Variants in C19orf47 observed in about 807,000 individuals in gnomAD.
C19orf47 encodes the protein chromosome 19 open reading frame 47, also known as uncharacterized protein C19orf47.
In C19orf47, 18 loss-of-function variants were observed where a neutral mutation model predicts 32.3. The ratio of observed to expected loss-of-function variants is 0.56; its 90% CI spans 0.39 to 0.83. The LOEUF (loss-of-function observed/expected upper bound fraction) is 0.83, where lower values mean the gene tolerates loss of function less well. Among genes scored for constraint, C19orf47 ranks in the 40% least tolerant of loss-of-function variants. C19orf47 has a pLI of 0.00. For missense variants in C19orf47, 484 were observed against 531.6 expected (o/e 0.91, Z 0.88); for synonymous variants, 202 against 211.1 (o/e 0.96, Z 0.37).
chr19:40,344,972 G>C (rs922854848), intron 1 of C19orf47, among the ~76,000 whole-genome samples: 3 of 152,150 alleles, frequency 2.0e-5, no homozygotes, highest in Non-Finnish European at 4.4e-5. Context: ...GAGCCTAGGA[G>C]TTCAAGATCA....
chr19:40,306,503 G>A, the C19orf47 span, among the ~76,000 whole-genome samples: 33 of 151,034 alleles, frequency 2.2e-4, no homozygotes, highest in Non-Finnish European at 1.5e-5. Context: ...CCCGGGTTCA[G>A]GCGATTCTCC....
downstream of C19orf47, among the ~76,000 whole-genome samples, chr19:40,315,316 C>A (rs1426725858): frequency 1.3e-5 from 2 of 152,176 alleles, no homozygotes; most frequent in African/African-American, 2.4e-5. Flanking sequence ...TACAGCAGCT[C>A]TCTGCACTAT....
the C19orf47 span, among the ~76,000 whole-genome samples, chr19:40,294,149 T>TTC: frequency 2.0e-5 from 3 of 152,048 alleles, no homozygotes; most frequent in African/African-American, 7.2e-5. Flanking sequence ...GAAGCCATTT[T>TTC]TCACTCCCTT....
At chr19:40,338,315 A>G (rs968943531) in intron 2 of C19orf47, among the ~76,000 whole-genome samples, 1 of 148,334 alleles carries the variant, frequency 6.7e-6, no homozygotes, top group Non-Finnish European at 1.5e-5. Context: ...ACACATATAT[A>G]TACACAAATA....
downstream of C19orf47, among the ~76,000 whole-genome samples, chr19:40,316,655 C>T (rs985109816): frequency 6.6e-6 from 1 of 152,176 alleles, no homozygotes; most frequent in African/African-American, 2.4e-5. Flanking sequence ...GGGGTGGTCA[C>T]TGTGTAAATA....
At chr19:40,340,561 G>C (rs77209829) in intron 2 of C19orf47, among the ~76,000 whole-genome samples, 16,958 of 151,722 alleles carry the variant, frequency 0.11, 1,363 homozygotes, top group African/African-American at 0.23. Context: ...CGTGCCTGTA[G>C]TCCCAGCTAC....
rs143732838 is a variant in C19orf47, at chr19:40,328,375, C to T, written c.439+38G>A. 252 of 1,606,404 alleles carry T rather than the reference C, an allele frequency of 1.6e-4. 2 individuals carry two copies. In the East Asian group the frequency reaches 4.0e-3, roughly 26 times the overall value. On this transcript the variant is annotated intron_variant, in intron 6 of 8. Coordinates refer to ENST00000683109, the MANE Select transcript of C19orf47 (RefSeq NM_001256441.2). The stretch of plus-strand genomic sequence containing the variant: ...AACACCTCCTACCAACCCACGTTCC[C>T]CTCCAGCTCCTCCTACCACCTGCCC...
In C19orf47 at chr19:40,348,305, C is replaced by A; in HGVS notation, c.-34+19G>T. On this transcript the variant is annotated intron_variant, in intron 1 of 8. Coordinates refer to ENST00000683109, the MANE Select transcript of C19orf47 (RefSeq NM_001256441.2). ...TACCGCAACCGGCCCAGTCCCACCA[C>A]CCCCGGCCCGCGCCTCACCTGGCCC... 1 of 1,334,028 alleles carries A rather than the reference C, an allele frequency of 7.5e-7. No individual in the cohort carries two copies. Among genetic ancestry groups the A allele is most frequent in the Non-Finnish European group, 9.6e-7 (1 of 1,044,580 alleles). 82.6% of individuals were successfully genotyped at this position (1,334,028 alleles called of 1,614,324 possible).
chr19:40,301,077 C>T, the C19orf47 span, among the ~76,000 whole-genome samples: 3 of 152,012 alleles, frequency 2.0e-5, no homozygotes, highest in Admixed American at 2.0e-4. Context: ...GCACGAGAAT[C>T]GCTTGAGCCC....
At chr19:40,309,553 T>C in the C19orf47 span, among the ~76,000 whole-genome samples, 2 of 152,010 alleles carry the variant, frequency 1.3e-5, no homozygotes, top group East Asian at 3.9e-4. Flanking sequence ...ATCATTTGAG[T>C]GTCAAATTGA....
At chr19:40,347,698 TC>T (rs1483021283) in intron 1 of C19orf47, among the ~76,000 whole-genome samples, 1 of 152,112 alleles carries the variant, frequency 6.6e-6, no homozygotes, top group Non-Finnish European at 1.5e-5. Flanking sequence ...TTTCCCCGGC[TC>T]CAATTCTAAG....
intron 5 of C19orf47, 74 bp downstream of exon 5, chr19:40,333,777 G>C (rs1423660597): frequency 8.3e-7 from 1 of 1,209,574 alleles, no homozygotes; most frequent in African/African-American, 1.6e-5. Context: ...GCGGGGATGG[G>C]ATGGCCAGAC....
chr19:40,342,170 G>C (rs886537818), intron 1 of C19orf47: 5 of 460,816 alleles, frequency 1.1e-5, no homozygotes, highest in African/African-American at 8.5e-5. Context: ...ACAGAAATAA[G>C]ACACTTCTGG....
chr19:40,337,288 A>AATAATTATTATT (rs1555788069), intron 2 of C19orf47, among the ~76,000 whole-genome samples: 1 of 143,216 alleles, frequency 7.0e-6, no homozygotes, highest in Non-Finnish European at 1.5e-5. Flanking sequence ...CCATGACAGC[A>AATAATTATTATT]ATTATTATTA....
In C19orf47 at chr19:40,322,246, G is replaced by A. The variant is rs1442040339; in HGVS notation, c.794C>T (p.Pro265Leu). The A allele has an allele frequency of 6.2e-7, 1 of 1,609,004 alleles. No homozygotes were observed. Among genetic ancestry groups the A allele is most frequent in the East Asian group, 2.2e-5 (1 of 44,894 alleles). Reference sequence around the variant, plus strand: ...TGCTGGCTGGGGACTGGCCTTGGCTGGGCCCCGTCCTAGCTTCTTCAGGAC... The same window carrying A: ...TGCTGGCTGGGGACTGGCCTTGGCTAGGCCCCGTCCTAGCTTCTTCAGGAC... Reference protein sequence around the residue: ...AGVLKKLGRGPAKASPQPALT... With the variant: ...AGVLKKLGRGLAKASPQPALT... Residue 265 changes from proline (P) to leucine (L), a missense_variant, in exon 9 of 9, where the codon CCA (proline) becomes CTA (leucine). Around this residue, in one of 3 missense-constraint regions of C19orf47, gnomAD observed 376 missense variants for 370.2 expected, o/e 1.02. Coordinates refer to ENST00000683109, the MANE Select transcript of C19orf47 (RefSeq NM_001256441.2).
Position 40,323,987 on chromosome 19 carries a change from C to T in C19orf47, c.663+19G>A, listed in dbSNP as rs568525596. 6.2e-6 allele frequency: 10 copies of T among 1,614,100 alleles called. No homozygotes were observed. In the Admixed American group the frequency reaches 1.7e-4, roughly 27 times the overall value. On this transcript the variant is annotated intron_variant, in intron 8 of 8. Transcript: ENST00000683109. Reference sequence around the variant, plus strand: ...ACAACAGCTCGCACGCCCAGAATCGCTCCCCCATCCCCACTCACTTTACTC... The same window carrying T: ...ACAACAGCTCGCACGCCCAGAATCGTTCCCCCATCCCCACTCACTTTACTC...
the C19orf47 span, among the ~76,000 whole-genome samples, chr19:40,297,970 GC>G: frequency 1.3e-5 from 2 of 151,482 alleles, no homozygotes; most frequent in African/African-American, 4.9e-5. Flanking sequence ...GAACCCAGAG[GC>G]AGAGGCTGCA....
intron 4 of C19orf47, among the ~76,000 whole-genome samples, chr19:40,334,362 T>C (rs556282759): frequency 5.3e-4 from 80 of 152,228 alleles, no homozygotes; most frequent in Non-Finnish European, 9.4e-4. Flanking sequence ...GGTGGTAGGA[T>C]TGCTTGAGCC....
At chr19:40,322,512 G>T in intron 8 of C19orf47, 136 bp from the exon 9 acceptor site, 1 of 1,160,266 alleles carries the variant, frequency 8.6e-7, no homozygotes, top group Non-Finnish European at 1.2e-6. Flanking sequence ...CCAGATAGTG[G>T]CGAGAGCCAT....
Sources: gnomAD v4.1 joint callset for allele counts (sites outside exome capture counted in the v4.1 genomes callset) on GRCh38, gnomAD v4.1.1 for gene constraint, gnomAD v4.1.1 regional missense constraint, MANE v1.5 for transcripts, NCBI Gene and HGNC (gene_info 2026-07-23, HGNC 2026-07-21) for gene names.